CRYZL1: variants seen among roughly 807,000 people sequenced by gnomAD.
CRYZL1 encodes ferry endosomal RAB5 effector complex subunit 4.
In CRYZL1, 34 loss-of-function variants were observed where a neutral mutation model predicts 50.6. The ratio of observed to expected loss-of-function variants is 0.67; its 90% CI spans 0.51 to 0.89. The LOEUF is 0.89. Ranked by LOEUF, CRYZL1 falls within the 40% of genes least tolerant of loss-of-function variation. The probability of loss-of-function intolerance (pLI) is 0.00; values close to 1 mark genes in which losing one functional copy is unlikely to be tolerated. For synonymous variants in CRYZL1, 125 were observed against 134.3 expected, an observed-to-expected ratio of 0.93 and a Z score of 0.48; for missense variants, 354 against 402.3, an observed-to-expected ratio of 0.88 and a Z score of 1.03.
intron 8 of CRYZL1, among the ~76,000 whole-genome samples, chr21:33,599,944 G>C (rs1344484176): frequency 2.0e-5 from 3 of 151,870 alleles, no homozygotes; most frequent in Non-Finnish European, 4.4e-5. Context: ...AGATTAAGTA[G>C]TTTCTCAAGT....
intron 11 of CRYZL1, among the ~76,000 whole-genome samples, chr21:33,592,085 A>T (rs1196672320): frequency 1.3e-5 from 2 of 150,984 alleles, no homozygotes; most frequent in Non-Finnish European, 2.9e-5. Context: ...TACTATGTAG[A>T]TAGTGGTTAT....
intron 11 of CRYZL1, among the ~76,000 whole-genome samples, chr21:33,593,273 A>AT (rs2086661420): frequency 6.6e-6 from 1 of 151,692 alleles, no homozygotes. Flanking sequence ...TGCCTGGTTA[A>AT]TTTTTTGTAT....
chr21:33,595,639 A>C (rs2086685860), intron 11 of CRYZL1, 92 bp downstream of exon 11: 2 of 1,558,150 alleles, frequency 1.3e-6, no homozygotes, highest in Non-Finnish European at 1.7e-6. Context: ...AGGAAACTTA[A>C]CTGCTATTAT....
chr21:33,604,922 G>C (rs2086795651), intron 6 of CRYZL1, among the ~76,000 whole-genome samples: 1 of 152,162 alleles, frequency 6.6e-6, no homozygotes, highest in Non-Finnish European at 1.5e-5. Context: ...CCTTTCCAAA[G>C]TAATTGCATC....
At chr21:33,605,610 C>A (rs368634561) in intron 6 of CRYZL1, among the ~76,000 whole-genome samples, 2 of 129,214 alleles carry the variant, frequency 1.5e-5, no homozygotes, top group East Asian at 2.6e-4. Context: ...CACCCTCCCC[C>A]TCCTGGGTTC....
chr21:33,635,783 C>T (rs1015613126), intron 1 of CRYZL1, among the ~76,000 whole-genome samples: 1 of 151,938 alleles, frequency 6.6e-6, no homozygotes, highest in African/African-American at 2.4e-5. Flanking sequence ...TAGATACAGA[C>T]CATCCTGGCC....
At chr21:33,603,282 GA>G (rs1555904449) in intron 7 of CRYZL1, 121 bp downstream of exon 7, 28 of 1,225,016 alleles carry the variant, frequency 2.3e-5, no homozygotes, top group Non-Finnish European at 2.5e-5. Flanking sequence ...TAGGACACTG[GA>G]AAAAAAGTCA....
At chr21:33,621,587 C>T (rs988282359) in intron 4 of CRYZL1, among the ~76,000 whole-genome samples, 1 of 151,990 alleles carries the variant, frequency 6.6e-6, no homozygotes, top group Non-Finnish European at 1.5e-5. Flanking sequence ...GTGATCCGCC[C>T]GCCTCAGCCT....
Position 33,602,986 on chromosome 21 carries a change from G to A in CRYZL1, c.465+418C>T, listed in dbSNP as rs146203660. Among the ~76,000 whole-genome samples, 532 of 152,240 alleles carry A rather than the reference G, an allele frequency of 3.5e-3. 4 individuals are homozygous for A. The highest frequency in any genetic ancestry group is 0.012 in the African/African-American group (503 of 41,526). On this transcript the variant is annotated intron_variant, in intron 7 of 12. Coordinates refer to ENST00000381554, the MANE Select transcript of CRYZL1 (RefSeq NM_145858.3). Reference sequence around the variant, plus strand: ...TGTCTTGAACTATTTTTTGATATATGTAATATGTTTAAATTAGGACGTGTT... The same window carrying A: ...TGTCTTGAACTATTTTTTGATATATATAATATGTTTAAATTAGGACGTGTT...
intron 6 of CRYZL1, among the ~76,000 whole-genome samples, chr21:33,605,092 T>A (rs1431748337): frequency 6.6e-6 from 1 of 152,220 alleles, no homozygotes; most frequent in Non-Finnish European, 1.5e-5. Context: ...TTGAGCATCT[T>A]TCCATGTTCA....
intron 2 of CRYZL1, 30 bp from the exon 3 acceptor site, chr21:33,624,790 T>C (rs1444611966): frequency 6.3e-7 from 1 of 1,578,562 alleles, no homozygotes; most frequent in Non-Finnish European, 8.5e-7. Flanking sequence ...AAACAATATG[T>C]TATTTTACAC....
At chr21:33,631,429 G>A in intron 2 of CRYZL1, 57 bp downstream of exon 2, 2 of 1,226,200 alleles carry the variant, frequency 1.6e-6, no homozygotes, top group Non-Finnish European at 2.2e-6. Flanking sequence ...TTTAAAAGTG[G>A]GTTTATTGCA....
chr21:33,641,207 G>T (rs1164843437), intron 1 of CRYZL1: 7 of 1,550,416 alleles, frequency 4.5e-6, no homozygotes, highest in Non-Finnish European at 6.1e-6. Flanking sequence ...CCGCCGTTTA[G>T]CATAATGAAG....
Position 33,597,345 on chromosome 21 carries a change from T to C in CRYZL1, c.733A>G (p.Lys245Glu), listed in dbSNP as rs1223098246. 6.2e-7 allele frequency: 1 copy of C among 1,608,480 alleles called. No individual in the cohort carries two copies. Among genetic ancestry groups the C allele is most frequent in the East Asian group, 2.2e-5 (1 of 44,846 alleles). Reference protein sequence around the residue: ...PAVKLQLLPHKHDIITLLGVG... With the variant: ...PAVKLQLLPHEHDIITLLGVG... ...CCAAGAAGTGTGATGATATCATGTT[T>C]ATGTGGTAGTAGTTGTAGTTTTACA... Residue 245 changes from lysine (K) to glutamate (E), a missense_variant, in exon 10 of 13, where the codon AAA becomes GAA. Lys to Glu is a moderately conservative substitution (Grantham distance 56). Coordinates refer to ENST00000381554, the MANE Select transcript of CRYZL1 (RefSeq NM_145858.3).
At chr21:33,611,682 ATATGG>A (rs2086874305) in intron 6 of CRYZL1, among the ~76,000 whole-genome samples, 1 of 152,248 alleles carries the variant, frequency 6.6e-6, no homozygotes, top group Admixed American at 6.5e-5. Flanking sequence ...GCTACTATGG[ATATGG>A]TATGAAGAAC....
At chr21:33,602,180 T>A (rs77730204) in intron 8 of CRYZL1, 54 bp downstream of exon 8, 2 of 986,938 alleles carry the variant, frequency 2.0e-6, no homozygotes, top group Non-Finnish European at 3.2e-6. Flanking sequence ...TTTTTAAAGG[T>A]GATTTTCCTT....
rs1402860916 is a variant in CRYZL1, at chr21:33,595,795, T to G, written c.840A>C (p.Ala280=). 3.1e-6 allele frequency: 5 copies of G among 1,613,996 alleles called. No individual in the cohort carries two copies. Among genetic ancestry groups the G allele is most frequent in the Non-Finnish European group, 3.4e-6 (4 of 1,179,972 alleles). Residue 280 remains alanine, a synonymous_variant, in exon 11 of 13, where the codon GCA becomes GCC. Transcript: ENST00000381554. ...CTTCATCATTCAGGAAAGCTAACGT[T>G]GCTCCCTTGAGGAAAAGGCAGTGGC... ...PDSHCLFLKG[A]TLAFLNDEVW... is the part of the protein sequence containing the mutation.
At chr21:33,610,712 G>A (rs940502962) in intron 6 of CRYZL1, among the ~76,000 whole-genome samples, 1 of 150,628 alleles carries the variant, frequency 6.6e-6, no homozygotes, top group African/African-American at 2.4e-5. Flanking sequence ...CTAAAGGAAT[G>A]GGCCTTGTTT....
intron 11 of CRYZL1, among the ~76,000 whole-genome samples, chr21:33,593,045 CTA>C (rs957945866): frequency 9.6e-5 from 14 of 145,700 alleles, no homozygotes; most frequent in African/African-American, 3.3e-4. Flanking sequence ...GAGCGAGACT[CTA>C]TCTCAAAAAA....
Sources: allele counts gnomAD v4.1 joint callset (sites outside exome capture counted in the v4.1 genomes callset), GRCh38; gene constraint gnomAD v4.1.1; transcripts MANE v1.5; gene names NCBI Gene and HGNC (gene_info 2026-07-23, HGNC 2026-07-21).